Variants in SLC12A3 observed in about 807,000 individuals in gnomAD.
SLC12A3 encodes the protein Na-Cl cotransporter.
SLC12A3 carries 104 observed loss-of-function variants against 121.0 expected under a neutral mutation model. The ratio of observed to expected loss-of-function variants is 0.86; its 90% confidence interval spans 0.73 to 1.01. The LOEUF is 1.01. SLC12A3 is among the 50% of genes least tolerant of loss of function. The pLI, the probability that SLC12A3 is intolerant of heterozygous loss-of-function variation, is 0.00. For synonymous variants in SLC12A3, 536 were observed against 533.4 expected (o/e 1.00, Z -0.07); for missense variants, 1,328 against 1,356.3 (o/e 0.98, Z 0.33).
rs934134172 is a variant in SLC12A3 at position 56,869,746 on chromosome 16, A to G, written c.523A>G (p.Ile175Val). Residue 175 changes from isoleucine to valine, a missense_variant, in exon 4 of 26, where the codon ATC (isoleucine) becomes GTC (valine). By Grantham distance (29) the Ile-to-Val change is conservative. Transcript: ENST00000563236. ...QAGIVLTWII[I>V]LLSVTVTSIT... ...CCCTGCAGTCCTGACCTGGATCATC[A>G]TCCTGCTGTCGGTCACGGTGACCTC... The G allele has an allele frequency of 6.2e-7, 1 of 1,614,120 alleles. No homozygotes were observed. The highest frequency in any genetic ancestry group is 1.3e-5 in the African/African-American group (1 of 75,044).
At chr16:56,899,786 G>A (rs1235807578) in intron 23 of SLC12A3, among the ~76,000 whole-genome samples, 170 bp downstream of exon 23, 1 of 152,240 alleles carries the variant, frequency 6.6e-6, no homozygotes, top group African/African-American at 2.4e-5. Context: ...GCCGGGGCCT[G>A]TCCCCTCCCT....
chr16:56,890,145 G>A, intron 18 of SLC12A3, 129 bp from the exon 19 acceptor site: 1 of 746,956 alleles, frequency 1.3e-6, no homozygotes, highest in Non-Finnish European at 2.4e-6. Flanking sequence ...TGGGGAAACT[G>A]AGGCCCAGAG....
rs138600103 is a variant in SLC12A3 at position 56,891,200 on chromosome 16, C to T, written c.2368+844C>T. The stretch of plus-strand genomic sequence containing the variant: ...ACCAGCCTGGGTAACATAGCAAGAC[C>T]CCATCTCTACTAAAACAAAAAATTA... On this transcript the variant is annotated intron_variant, in intron 19 of 25. Transcript: ENST00000563236. 5.8e-3 allele frequency among the ~76,000 whole-genome samples: 877 copies of T among 151,434 alleles called. 12 individuals are homozygous for T. Among genetic ancestry groups the T allele is most frequent in the African/African-American group, 0.02 (818 of 41,262 alleles).
chr16:56,901,929 A>T (rs185617746), intron 23 of SLC12A3, among the ~76,000 whole-genome samples: 6 of 152,312 alleles, frequency 3.9e-5, no homozygotes, highest in East Asian at 1.9e-4. Context: ...GCAAGGACAG[A>T]CTTCCTTCAG....
At chr16:56,904,322 G>A in intron 24 of SLC12A3, 73 bp from the exon 25 acceptor site, 3 of 1,312,136 alleles carry the variant, frequency 2.3e-6, no homozygotes, top group East Asian at 2.3e-5. Context: ...ATGTTAATGA[G>A]GCCATAGACG....
At chr16:56,890,250 G>A (rs2144737651) in intron 18 of SLC12A3, 24 bp from the exon 19 acceptor site, 2 of 1,602,832 alleles carry the variant, frequency 1.2e-6, no homozygotes, top group Middle Eastern at 1.7e-4. Context: ...GGGAGAAGCT[G>A]GACCTCACCT....
At chr16:56,890,049 C>T (rs1290639941) in intron 18 of SLC12A3, among the ~76,000 whole-genome samples, 6 of 152,170 alleles carry the variant, frequency 3.9e-5, no homozygotes, top group South Asian at 4.1e-4. Context: ...CCCTGAGTAC[C>T]GGATCTGCAG....
At chr16:56,911,555 G>T (rs754897028) in intron 25 of SLC12A3, among the ~76,000 whole-genome samples, 21 of 152,142 alleles carry the variant, frequency 1.4e-4, no homozygotes, top group Non-Finnish European at 2.9e-4. Context: ...AAACTCCTGG[G>T]CTCAAGTGAT....
chr16:56,904,240 C>T, intron 24 of SLC12A3, 155 bp from the exon 25 acceptor site: 1 of 747,842 alleles, frequency 1.3e-6, no homozygotes, highest in Non-Finnish European at 2.4e-6. Context: ...CCCCTTCTTC[C>T]TGGAGACAGG....
At chr16:56,872,602 A>T in intron 7 of SLC12A3, 54 bp from the exon 8 acceptor site, 1 of 1,613,770 alleles carries the variant, frequency 6.2e-7, no homozygotes, top group Non-Finnish European at 8.5e-7. Flanking sequence ...GGGTCCCAGC[A>T]AGGGGGGTCA....
intron 6 of SLC12A3, among the ~76,000 whole-genome samples, chr16:56,871,864 A>G (rs753418231): frequency 6.6e-6 from 1 of 152,190 alleles, no homozygotes; most frequent in Non-Finnish European, 1.5e-5. Context: ...CTAGGATTAC[A>G]GACACCCACC....
intron 4 of SLC12A3, 112 bp from the exon 5 acceptor site, chr16:56,869,984 A>G: frequency 3.5e-6 from 5 of 1,447,230 alleles, no homozygotes; most frequent in Non-Finnish European, 4.8e-6. Flanking sequence ...GGCCTCAGCT[A>G]TCTCCTGCCC....
rs750901478 is a variant in SLC12A3 at position 56,870,080 on chromosome 16, G to A, written c.602-16G>A. The A allele has an allele frequency of 5.1e-5, 82 of 1,611,626 alleles. No homozygotes were observed. Among genetic ancestry groups the A allele is most frequent in the Admixed American group, 3.2e-4 (19 of 60,002 alleles). On this transcript the variant is annotated splice_polypyrimidine_tract_variant and intron_variant, in intron 4 of 25. Transcript: ENST00000563236. ...CGACTCATCTGGTTTCATGGTTCCC[G>A]GCTCTGCCCTGATAGGTGGCACCTA...
intron 23 of SLC12A3, among the ~76,000 whole-genome samples, chr16:56,901,449 C>T (rs560180898): frequency 4.0e-5 from 6 of 151,142 alleles, no homozygotes; most frequent in South Asian, 2.1e-4. Context: ...AAGTGATTCT[C>T]CTGCCTCAGT....
chr16:56,908,434 G>A lies in SLC12A3; in HGVS notation c.2924+3972G>A, dbSNP rs781603839. Among the ~76,000 whole-genome samples the A allele has an allele frequency of 8.5e-5, 13 of 152,078 alleles. No homozygotes were observed. The South Asian group carries it at 1.5e-3, about 17-fold the overall frequency. ...TGCTGGGATTACAGGCGTGAGCCAC[G>A]GTGCCCAGCTGCAGATAGTGATATA... is the stretch of plus-strand genomic sequence containing the variant. On this transcript the variant is annotated intron_variant, in intron 25 of 25. Coordinates refer to ENST00000563236, the MANE Select transcript of SLC12A3 (RefSeq NM_001126108.2).
At chr16:56,906,892 C>A (rs1172310898) in intron 25 of SLC12A3, 1 of 543,786 alleles carries the variant, frequency 1.8e-6, no homozygotes, top group East Asian at 4.0e-5. Context: ...GTTAAGGGGA[C>A]TGTAAAGGCC....
intron 17 of SLC12A3, 127 bp from the exon 18 acceptor site, chr16:56,887,798 A>ATATATATATATTTTTTTT (rs1433682477): frequency 2.9e-5 from 2 of 68,434 alleles, no homozygotes; most frequent in African/African-American, 1.1e-4. Context: ...ATATATATAT[A>ATATATATATATTTTTTTT]TTTTTTTTTT....
intron 15 of SLC12A3, 67 bp from the exon 16 acceptor site, chr16:56,886,297 C>A (rs2055309226): frequency 3.4e-6 from 4 of 1,186,514 alleles, no homozygotes; most frequent in Non-Finnish European, 5.0e-6. Context: ...CTGGGAGGTG[C>A]CTTTCGCACC....
chr16:56,872,911 G>C (rs940728464), intron 8 of SLC12A3, 125 bp downstream of exon 8: 20 of 1,267,308 alleles, frequency 1.6e-5, no homozygotes, highest in Non-Finnish European at 2.3e-5. Context: ...ATCCAGTCCA[G>C]TCCAACTCAG....
Sources: gnomAD v4.1 joint callset for allele counts (sites outside exome capture counted in the v4.1 genomes callset) on GRCh38, gnomAD v4.1.1 for gene constraint, MANE v1.5 for transcripts, NCBI Gene and HGNC (gene_info 2026-07-23, HGNC 2026-07-21) for gene names.